The following PRMT2 variants were observed in gnomAD, a reference collection of about 807,000 sequenced individuals.
The protein encoded by PRMT2 is protein arginine methyltransferase 2.
PRMT2 carries 26 observed loss-of-function variants against 57.6 expected under a neutral mutation model. That is an observed-to-expected ratio of 0.45 (90% CI 0.33 to 0.63). PRMT2 has a LOEUF of 0.63. PRMT2 is among the 20% of genes least tolerant of loss of function. The pLI, the probability that PRMT2 is intolerant of heterozygous loss-of-function variation, is 0.02. For missense variants in PRMT2, 472 were observed against 564.4 expected (o/e 0.84, Z 1.66); for synonymous variants, 219 against 220.0 (o/e 1.00, Z 0.04).
intron 8 of PRMT2, chr21:46,659,550 A>G: frequency 1.0e-6 from 1 of 956,294 alleles, no homozygotes; most frequent in Non-Finnish European, 1.2e-6. Flanking sequence ...ACCAATAAAT[A>G]TATGAAAAAT....
intron 7 of PRMT2, chr21:46,654,777 C>A: frequency 2.3e-6 from 1 of 431,800 alleles, no homozygotes; most frequent in African/African-American, 2.2e-5. Context: ...GTAAAAACCA[C>A]GTTATTTTAT....
rs763527546 is a variant in PRMT2 at position 46,663,363 on chromosome 21, C to G, written c.1098-20C>G. On this transcript the variant is annotated intron_variant, in intron 10 of 11. Coordinates refer to ENST00000355680, the MANE Select transcript of PRMT2 (RefSeq NM_206962.4). ...CTGCCCTAGCTCAGCCTCCAGGTCACACGCACCCCTGTCTTGCAGCACCAC... is the reference window on the plus strand; with the variant it reads ...CTGCCCTAGCTCAGCCTCCAGGTCAGACGCACCCCTGTCTTGCAGCACCAC... 27 of 1,599,510 alleles carry G rather than the reference C, an allele frequency of 1.7e-5. No homozygotes were observed. The highest frequency in any genetic ancestry group is 2.0e-5 in the Non-Finnish European group (23 of 1,169,794).
chr21:46,653,779 A>G, intron 7 of PRMT2: 2 of 1,111,422 alleles, frequency 1.8e-6, no homozygotes, highest in Non-Finnish European at 2.2e-6. Context: ...CATACAAAGT[A>G]CAGAGACATC....
intron 7 of PRMT2, among the ~76,000 whole-genome samples, chr21:46,656,090 T>A (rs1295059571): frequency 1.3e-5 from 2 of 152,144 alleles, no homozygotes; most frequent in African/African-American, 4.8e-5. Context: ...CATGAATAGA[T>A]GAATGCCCTT....
rs146747899 is a variant in PRMT2, at chr21:46,648,793, G to A, written c.489+174G>A. On this transcript the variant is annotated intron_variant, in intron 6 of 11. Coordinates refer to ENST00000355680, the MANE Select transcript of PRMT2 (RefSeq NM_206962.4). This position sits in a 1 kb window ranked among gnomAD's most constrained non-coding sequence, Gnocchi z 4.8. ...CAGGGTCGGTAAAATAGCAGTGCGT[G>A]GAGACCGCGTGCTAGAGGCCGTGGC... is the stretch of plus-strand genomic sequence containing the variant. Among the ~76,000 whole-genome samples, 51 of 152,310 alleles carry A rather than the reference G, an allele frequency of 3.3e-4. No homozygotes were observed. The highest frequency in any genetic ancestry group is 1.2e-3 in the African/African-American group (49 of 41,554).
At chr21:46,663,673 G>A in intron 11 of PRMT2, 119 bp downstream of exon 11, 3 of 1,039,966 alleles carry the variant, frequency 2.9e-6, no homozygotes, top group Admixed American at 2.5e-5. Context: ...TTTTGTGCAG[G>A]AGTGATTTAA....
chr21:46,658,907 C>T lies in PRMT2; in HGVS notation c.817C>T (p.Leu273Phe). The T allele has an allele frequency of 6.2e-7, 1 of 1,613,764 alleles. No individual in the cohort carries two copies. Among genetic ancestry groups the T allele is most frequent in the Non-Finnish European group, 8.5e-7 (1 of 1,179,754 alleles). ...CTGGGACAACGCGTACGAGTTCAAC[C>T]TCAGCGCTCTGAAGTAAGTGTCCAC... The part of the protein sequence containing the change: ...LFWDNAYEFN[L>F]SALKSLAVKE... The change falls in exon 8 of 12, where the codon CTC (leucine) becomes TTC (phenylalanine). Residue 273 changes from leucine to phenylalanine, a missense_variant. By Grantham distance (22) the Leu-to-Phe change is conservative (BLOSUM62 0). Transcript: ENST00000355680.
chr21:46,642,259 G>A (rs2256210), intron 3 of PRMT2, among the ~76,000 whole-genome samples: 38,380 of 152,144 alleles, frequency 0.25, 5,052 homozygotes, highest in African/African-American at 0.3. Context: ...ATCTTAACAT[G>A]ATTTAGAATA....
At chr21:46,660,488 C>G (rs1032458792) in intron 8 of PRMT2, among the ~76,000 whole-genome samples, 1 of 152,230 alleles carries the variant, frequency 6.6e-6, no homozygotes, top group Non-Finnish European at 1.5e-5. Flanking sequence ...CTGCAACTCC[C>G]CTTGTCCTCT....
At chr21:46,652,026 T>C (rs2061076552) in intron 7 of PRMT2, 6 of 1,612,924 alleles carry the variant, frequency 3.7e-6, no homozygotes, top group South Asian at 1.1e-5. Flanking sequence ...GTAGTAAAAG[T>C]CTGAAGACAG....
chr21:46,652,629 T>C, intron 7 of PRMT2: 1 of 984,358 alleles, frequency 1.0e-6, no homozygotes, highest in Non-Finnish European at 1.2e-6. Context: ...CGCCATGCCC[T>C]TTTTTTGGCA....
At chr21:46,642,881 G>A (rs1324603632) in intron 3 of PRMT2, among the ~76,000 whole-genome samples, 1 of 152,128 alleles carries the variant, frequency 6.6e-6, no homozygotes, top group Non-Finnish European at 1.5e-5. Context: ...AAAATTAGCT[G>A]GGTGTAGTGG....
chr21:46,647,125 A>G (rs2061376586), intron 5 of PRMT2, among the ~76,000 whole-genome samples: 1 of 152,236 alleles, frequency 6.6e-6, no homozygotes, highest in African/African-American at 2.4e-5. Flanking sequence ...AATCAAAGTG[A>G]AAAAGGACTT....
At chr21:46,651,627 C>CT (rs1220449372) in intron 7 of PRMT2, among the ~76,000 whole-genome samples, 1 of 152,044 alleles carries the variant, frequency 6.6e-6, no homozygotes, top group East Asian at 1.9e-4. Context: ...CCCAGGGAGA[C>CT]TGAGGGACCA....
chr21:46,655,364 C>CA (rs1190195247), intron 7 of PRMT2, among the ~76,000 whole-genome samples: 3 of 151,778 alleles, frequency 2.0e-5, no homozygotes, highest in Admixed American at 6.6e-5. Flanking sequence ...TACACCATAA[C>CA]AAAAAAAGAA....
chr21:46,643,779 C>A, intron 4 of PRMT2, 140 bp downstream of exon 4: 1 of 1,105,332 alleles, frequency 9.0e-7, no homozygotes, highest in Non-Finnish European at 1.2e-6. Flanking sequence ...GTGTGTGAAG[C>A]TCACAGCCCA....
Position 46,663,572 on chromosome 21 carries a change from A to C in PRMT2, c.1269+18A>C. ...CTCAAAAAGTAAGATACGTAGTTGT[A>C]AGATTCTGTCCTGTGGGTGCCGGTC... is the stretch of plus-strand genomic sequence containing the variant. On this transcript the variant is annotated intron_variant, in intron 11 of 11. Coordinates refer to ENST00000355680, the MANE Select transcript of PRMT2 (RefSeq NM_206962.4). The C allele has an allele frequency of 6.2e-7, 1 of 1,610,880 alleles. No homozygotes were observed. The highest frequency in any genetic ancestry group is 2.2e-5 in the East Asian group (1 of 44,794).
chr21:46,652,295 T>C, intron 7 of PRMT2: 1 of 1,277,484 alleles, frequency 7.8e-7, no homozygotes, highest in Non-Finnish European at 9.9e-7. Flanking sequence ...AATGAAGCTG[T>C]CAAATAAAAT....
intron 4 of PRMT2, 32 bp downstream of exon 4, chr21:46,643,671 C>A: frequency 6.4e-7 from 1 of 1,568,986 alleles, no homozygotes; most frequent in Non-Finnish European, 8.6e-7. Flanking sequence ...TGCTTTATGG[C>A]TTTCAGCATG....
Sources: gnomAD v4.1 joint callset for allele counts (sites outside exome capture counted in the v4.1 genomes callset) on GRCh38, gnomAD v4.1.1 for gene constraint, Gnocchi (gnomAD v3.1) non-coding constraint, MANE v1.5 for transcripts, NCBI Gene and HGNC (gene_info 2026-07-23, HGNC 2026-07-21) for gene names.